HUWE1: variants seen among roughly 807,000 people sequenced by gnomAD.
HUWE1 encodes the protein HECT, UBA and WWE domain containing E3 ubiquitin protein ligase 1, also known as E3 ubiquitin-protein ligase HUWE1.
A neutral mutation model predicts 299.4 loss-of-function variants in HUWE1; 18 were observed. That is an observed-to-expected ratio of 0.06 (90% CI 0.04 to 0.09). The LOEUF is 0.09. Ranked by LOEUF, HUWE1 falls within the 10% of genes least tolerant of loss-of-function variation. The pLI, the probability that HUWE1 is intolerant of heterozygous loss-of-function variation, is 1.00. For missense variants in HUWE1, 1,832 were observed against 3,462.3 expected, an observed-to-expected ratio of 0.53 and a Z score of 11.82; for synonymous variants, 1,317 against 1,286.1, an observed-to-expected ratio of 1.02 and a Z score of -0.51.
intron 3 of HUWE1, among the ~76,000 whole-genome samples, chrX:53,675,568 A>G (rs1241747885): frequency 9.0e-6 from 1 of 111,018 alleles, no homozygotes; most frequent in Non-Finnish European, 1.9e-5. Flanking sequence ...GGCAGAGACC[A>G]AGTCTCATTC....
At chrX:53,668,724 A>G (rs1469027360) in intron 3 of HUWE1, among the ~76,000 whole-genome samples, 1 of 112,094 alleles carries the variant, frequency 8.9e-6, no homozygotes, top group Non-Finnish European at 1.9e-5. Flanking sequence ...AAAGGCAGAA[A>G]CCTTATGCTA....
At chrX:53,636,344 T>C (rs1435966851) in intron 7 of HUWE1, among the ~76,000 whole-genome samples, 9 of 112,102 alleles carry the variant, frequency 8.0e-5, no homozygotes, top group Non-Finnish European at 1.3e-4. Context: ...TAAAAAATAA[T>C]CAGAAGTTTA....
rs182149407 is a variant in HUWE1 at position 53,562,562 on chromosome X, C to T, written c.7204+269G>A. ...AGCCCTACTTTGCTATTGACTATATCCTGTTGGCAAGAGGGAACCTGGAGC... is the reference window on the plus strand; with the variant it reads ...AGCCCTACTTTGCTATTGACTATATTCTGTTGGCAAGAGGGAACCTGGAGC... On this transcript the variant is annotated intron_variant, in intron 53 of 83. Transcript: ENST00000262854. Among the ~76,000 whole-genome samples, 1,281 of 111,498 alleles carry T rather than the reference C, an allele frequency of 0.011. 9 individuals carry two copies. The highest frequency in any genetic ancestry group is 0.017 in the Non-Finnish European group (908 of 53,058).
At chrX:53,661,588 A>C (rs981490329) in intron 3 of HUWE1, among the ~76,000 whole-genome samples, 5 of 111,885 alleles carry the variant, frequency 4.5e-5, no homozygotes, top group Admixed American at 9.5e-5. Flanking sequence ...AAATCCTTCC[A>C]TAAAAATAAG....
intron 29 of HUWE1, 58 bp downstream of exon 29, chrX:53,600,060 T>A (rs1556988733): frequency 9.6e-7 from 1 of 1,037,105 alleles, no homozygotes; most frequent in Admixed American, 2.2e-5. Context: ...CAACTCAATC[T>A]GTTTCAAGAC....
chrX:53,559,448 C>G lies in HUWE1; in HGVS notation c.7821G>C (p.Leu2607=). 2 of 1,210,900 alleles carry G rather than the reference C, an allele frequency of 1.7e-6. No individual in the cohort carries two copies. The highest frequency in any genetic ancestry group is 2.2e-6 in the Non-Finnish European group (2 of 894,876). Residue 2607 remains leucine, a synonymous_variant, in exon 57 of 84, where the codon CTG becomes CTC. Coordinates refer to ENST00000262854, the MANE Select transcript of HUWE1 (RefSeq NM_031407.7). ...TGATGTGGACGTCATCGTTGCCTACCAGGAGGCGGGCCCGACCCCGGCTTT... is the reference window on the plus strand; with the variant it reads ...TGATGTGGACGTCATCGTTGCCTACGAGGAGGCGGGCCCGACCCCGGCTTT... The part of the protein sequence containing the change: ...PLQSRGRARL[L]VGNDDVHIIA...
At chrX:53,624,110 G>C (rs187515486) in intron 19 of HUWE1, among the ~76,000 whole-genome samples, 1 of 111,878 alleles carries the variant, frequency 8.9e-6, no homozygotes, top group Non-Finnish European at 1.9e-5. Context: ...CGGCCTCTCT[G>C]TTTTATATCC....
intron 75 of HUWE1, 79 bp from the exon 76 acceptor site, chrX:53,539,159 A>G: frequency 3.9e-6 from 4 of 1,014,108 alleles, no homozygotes. Flanking sequence ...TCATAAACAA[A>G]TTATAAAAAT....
At chrX:53,601,892 C>A (rs2064872827) in intron 28 of HUWE1, among the ~76,000 whole-genome samples, 1 of 109,946 alleles carries the variant, frequency 9.1e-6, no homozygotes, top group Non-Finnish European at 1.9e-5. Flanking sequence ...CTGGTCTGAA[C>A]TCCTGACCTC....
At chrX:53,535,617 C>T (rs2061005851) in intron 80 of HUWE1, 116 bp from the exon 81 acceptor site, 7 of 542,678 alleles carry the variant, frequency 1.3e-5, no homozygotes, top group Middle Eastern at 3.4e-4. Flanking sequence ...TGAGGCAAGT[C>T]CATACAAAAC....
At position 53,549,218 on chromosome X, in the gene HUWE1, C is replaced by G; in HGVS notation, c.9776G>C (p.Cys3259Ser). 3 of 1,212,183 alleles carry G rather than the reference C, an allele frequency of 2.5e-6. No homozygotes were observed. The highest frequency in any genetic ancestry group is 1.8e-5 in the South Asian group (1 of 57,007). ...EEKGKKSSKSCGSSSHENRPL... is the reference protein window; with the variant it reads ...EEKGKKSSKSSGSSSHENRPL... ...ACGGTTCTCATGGCTACTTGACCCA[C>G]AGCTCTTGCTCGACTTTTTGCCCTT... The change falls in exon 67 of 84, where the codon TGT becomes TCT. Residue 3259 changes from cysteine (C) to serine (S), a missense_variant. Coordinates refer to ENST00000262854, the MANE Select transcript of HUWE1 (RefSeq NM_031407.7).
In HUWE1 at chrX:53,560,260, G is replaced by A; in HGVS notation, c.7664C>T (p.Ala2555Val). 1 of 1,210,033 alleles carries A rather than the reference G, an allele frequency of 8.3e-7. No individual in the cohort carries two copies. The highest frequency in any genetic ancestry group is 1.1e-6 in the Non-Finnish European group (1 of 894,835). ...RSQRTLRQLTANTGHTIHVHY... is the reference protein window; with the variant it reads ...RSQRTLRQLTVNTGHTIHVHY... ...AACATGAATGGTGTGGCCAGTATTG[G>A]CCGTCAGCTGCCTTAGGGTCCTCTG... Residue 2555 changes from alanine to valine, a missense_variant, in exon 56 of 84, where the codon GCC (alanine) becomes GTC (valine). By Grantham distance (64) the Ala-to-Val change is moderately conservative. Coordinates refer to ENST00000262854, the MANE Select transcript of HUWE1 (RefSeq NM_031407.7).
intron 32 of HUWE1, 23 bp downstream of exon 32, chrX:53,593,336 TTTTGA>T: frequency 1.9e-6 from 2 of 1,028,860 alleles, no homozygotes; most frequent in South Asian, 3.8e-5. Context: ...GAGAAATTCC[TTTTGA>T]TTTTAGAATA....
At chrX:53,627,626 G>A in intron 16 of HUWE1, 111 bp from the exon 17 acceptor site, 1 of 849,366 alleles carries the variant, frequency 1.2e-6, no homozygotes, top group East Asian at 3.3e-5. Flanking sequence ...ATACACAGTT[G>A]ATTTCTAGAA....
At chrX:53,601,020 A>G (rs1442762470) in intron 28 of HUWE1, among the ~76,000 whole-genome samples, 2 of 111,760 alleles carry the variant, frequency 1.8e-5, no homozygotes, top group Admixed American at 9.5e-5. Flanking sequence ...TGAAATTCTC[A>G]TTTTGTCAGG....
chrX:53,572,063 G>A (rs781913055), intron 47 of HUWE1, among the ~76,000 whole-genome samples: 1 of 112,358 alleles, frequency 8.9e-6, no homozygotes, highest in African/African-American at 3.2e-5. Flanking sequence ...ATTAGCAGTA[G>A]AATGGGTAAA....
intron 4 of HUWE1, 135 bp from the exon 5 acceptor site, chrX:53,648,445 G>GT: frequency 2.2e-6 from 1 of 459,943 alleles, no homozygotes; most frequent in Non-Finnish European, 3.9e-6. Flanking sequence ...AAAACGAGAT[G>GT]TGCCAGACAA....
chrX:53,599,268 C>G (rs2064685948), intron 29 of HUWE1, among the ~76,000 whole-genome samples: 1 of 112,277 alleles, frequency 8.9e-6, no homozygotes, highest in Admixed American at 9.4e-5. Flanking sequence ...TGTTGGTAGA[C>G]TTTCAAATTA....
chrX:53,575,793 G>C lies in HUWE1; in HGVS notation c.5885-5C>G. On this transcript the variant is annotated splice_polypyrimidine_tract_variant and splice_region_variant and intron_variant, in intron 44 of 83. Coordinates refer to ENST00000262854, the MANE Select transcript of HUWE1 (RefSeq NM_031407.7). ...GTTTAGGATCAGATTTATCTGCTAG[G>C]AAAACAGTAACAACCATCAAAAACA... The C allele has an allele frequency of 8.3e-7, 1 of 1,210,478 alleles. No individual in the cohort carries two copies. Among genetic ancestry groups the C allele is most frequent in the Non-Finnish European group, 1.1e-6 (1 of 894,397 alleles).
Sources: allele counts gnomAD v4.1 joint callset (sites outside exome capture counted in the v4.1 genomes callset), GRCh38; gene constraint gnomAD v4.1.1; transcripts MANE v1.5; gene names NCBI Gene and HGNC (gene_info 2026-07-23, HGNC 2026-07-21).